The following KCTD20 variants were observed in gnomAD, a reference collection of about 807,000 sequenced individuals.
KCTD20 encodes the protein BTB/POZ domain-containing protein KCTD20.
Under a neutral mutation model 39.6 loss-of-function variants are expected in KCTD20, and 30 were observed. That is an observed-to-expected ratio of 0.76 (90% CI 0.57 to 1.03). KCTD20 has a LOEUF of 1.03. Among genes scored for constraint, KCTD20 ranks in the 50% least tolerant of loss-of-function variants. The pLI is 0.00. For synonymous variants in KCTD20, 162 were observed against 180.6 expected, an observed-to-expected ratio of 0.90 and a Z score of 0.83; for missense variants, 422 against 522.0, an observed-to-expected ratio of 0.81 and a Z score of 1.87.
intron 2 of KCTD20, among the ~76,000 whole-genome samples, chr6:36,471,844 C>T (rs1302491138): frequency 6.7e-6 from 1 of 150,330 alleles, no homozygotes; most frequent in East Asian, 1.9e-4. Context: ...ATTCTGGTAT[C>T]TATTTCTTTT....
chr6:36,449,367 C>A (rs1775163569), intron 1 of KCTD20, among the ~76,000 whole-genome samples: 1 of 151,228 alleles, frequency 6.6e-6, no homozygotes, highest in Non-Finnish European at 1.5e-5. Flanking sequence ...ATTTACAAAC[C>A]TTTAGCTAGA....
At chr6:36,479,292 C>A in intron 4 of KCTD20, 69 bp downstream of exon 4, 1 of 1,101,262 alleles carries the variant, frequency 9.1e-7, no homozygotes, top group Non-Finnish European at 1.3e-6. Context: ...CTTGAGAGTT[C>A]CATCAACTAT....
intron 1 of KCTD20, among the ~76,000 whole-genome samples, chr6:36,447,813 C>G (rs1341172512): frequency 2.0e-5 from 3 of 151,206 alleles, no homozygotes; most frequent in Non-Finnish European, 4.4e-5. Flanking sequence ...CAACATGGCA[C>G]GACTCTGTCT....
intron 1 of KCTD20, among the ~76,000 whole-genome samples, chr6:36,444,277 TGCCCAACA>T (rs1774969389): frequency 6.6e-6 from 1 of 152,198 alleles, no homozygotes; most frequent in East Asian, 1.9e-4. Context: ...TTTTAAAAAC[TGCCCAACA>T]GCCTTAACCC....
intron 6 of KCTD20, among the ~76,000 whole-genome samples, chr6:36,483,097 T>TA (rs1465256505): frequency 7.1e-6 from 1 of 140,236 alleles, no homozygotes; most frequent in Non-Finnish European, 1.5e-5. Flanking sequence ...ACAGCCTGGG[T>TA]AACAGAGCGA....
At position 36,474,879 on chromosome 6, in the gene KCTD20, A is replaced by G; in HGVS notation, c.251A>G (p.Gln84Arg). 6.2e-7 allele frequency: 1 copy of G among 1,614,180 alleles called. No homozygotes were observed. The highest frequency in any genetic ancestry group is 2.2e-5 in the East Asian group (1 of 44,878). Residue 84 changes from glutamine (Q) to arginine (R), a missense_variant, in exon 3 of 8, where the codon CAA becomes CGA. By Grantham distance (43) the Gln-to-Arg change is conservative. Coordinates refer to ENST00000373731, the MANE Select transcript of KCTD20 (RefSeq NM_173562.5). The part of the protein sequence containing the change: ...LAEDIKGSCF[Q>R]SGNKRNHEPF... ...GAAGACATCAAAGGTTCTTGCTTCCAAAGTGGGAATAAACGGAACCATGAA... is the reference window on the plus strand; with the variant it reads ...GAAGACATCAAAGGTTCTTGCTTCCGAAGTGGGAATAAACGGAACCATGAA...
intron 1 of KCTD20, among the ~76,000 whole-genome samples, chr6:36,460,194 A>T (rs1775558410): frequency 6.6e-6 from 1 of 152,324 alleles, no homozygotes; most frequent in Admixed American, 6.5e-5. Context: ...TTTCATTAGA[A>T]TGACCTTAAC....
intron 5 of KCTD20, among the ~76,000 whole-genome samples, chr6:36,480,208 G>A (rs183137860): frequency 6.6e-6 from 1 of 152,242 alleles, no homozygotes; most frequent in Non-Finnish European, 1.5e-5. Flanking sequence ...AGCACTGTGA[G>A]GAACTGGAGT....
chr6:36,449,705 G>T (rs1485706017), intron 1 of KCTD20, among the ~76,000 whole-genome samples: 2 of 152,032 alleles, frequency 1.3e-5, no homozygotes, highest in Non-Finnish European at 2.9e-5. Flanking sequence ...TGTTCTACTC[G>T]CCCCATTTTG....
At chr6:36,459,575 A>C (rs1459128764) in intron 1 of KCTD20, among the ~76,000 whole-genome samples, 2 of 152,262 alleles carry the variant, frequency 1.3e-5, no homozygotes. Context: ...ACAAGACTGC[A>C]TGAAAACTTT....
chr6:36,481,294 C>T (rs903645679), intron 5 of KCTD20, among the ~76,000 whole-genome samples: 2 of 151,770 alleles, frequency 1.3e-5, no homozygotes, highest in African/African-American at 4.9e-5. Context: ...ATAGGATTAA[C>T]ATGGTCTGAC....
At chr6:36,474,055 A>G (rs1205380389) in intron 2 of KCTD20, among the ~76,000 whole-genome samples, 2 of 152,188 alleles carry the variant, frequency 1.3e-5, no homozygotes, top group Admixed American at 6.5e-5. Flanking sequence ...TGAAAAATAA[A>G]ATTTTGTTTT....
Position 36,487,061 on chromosome 6 carries a change from AGAT to A in KCTD20, c.1151_1153del (p.Asp384del), listed in dbSNP as rs1223696486. Reference sequence around the variant, plus strand: ...CCCTCACGAATCTGGTAGCTGCTGGAGATGATGTCTTGGAGGACCAGGAGATAT... The same window carrying A: ...CCCTCACGAATCTGGTAGCTGCTGGAGATGTCTTGGAGGACCAGGAGATAT... On this transcript the variant is annotated inframe_deletion, in exon 8 of 8. Transcript: ENST00000373731. 3 of 1,614,238 alleles carry A rather than the reference AGAT, an allele frequency of 1.9e-6. No individual in the cohort carries two copies. In the Admixed American group the frequency reaches 5.0e-5, roughly 27 times the overall value.
chr6:36,450,027 G>A (rs966186057), intron 1 of KCTD20, among the ~76,000 whole-genome samples: 9 of 152,020 alleles, frequency 5.9e-5, no homozygotes, highest in Non-Finnish European at 1.0e-4. Flanking sequence ...AGCTGGGCGT[G>A]GTTGCAGGCG....
chr6:36,449,560 C>T (rs1027006724), intron 1 of KCTD20, among the ~76,000 whole-genome samples: 1 of 152,204 alleles, frequency 6.6e-6, no homozygotes, highest in Non-Finnish European at 1.5e-5. Context: ...CGTTTACAAT[C>T]CTTTAGCTAG....
At chr6:36,474,408 C>T (rs2127447929) in intron 2 of KCTD20, among the ~76,000 whole-genome samples, 2 of 152,212 alleles carry the variant, frequency 1.3e-5, no homozygotes, top group East Asian at 3.9e-4. Context: ...AAGTGATTGC[C>T]TCTGAACCAA....
chr6:36,457,831 G>C (rs776057155), intron 1 of KCTD20, among the ~76,000 whole-genome samples: 1 of 152,178 alleles, frequency 6.6e-6, no homozygotes, highest in Non-Finnish European at 1.5e-5. Flanking sequence ...TCCGGGGGTA[G>C]GATTAAACTA....
chr6:36,479,033 T>C, intron 3 of KCTD20, 88 bp from the exon 4 acceptor site: 1 of 845,400 alleles, frequency 1.2e-6, no homozygotes, highest in Non-Finnish European at 2.0e-6. Context: ...TGGGATGGAG[T>C]CTTCCAGAAT....
rs749887834 is a variant in KCTD20 at position 36,481,578 on chromosome 6, A to G, written c.675A>G (p.Glu225=). The change falls in exon 6 of 8, where the codon GAA becomes GAG. Residue 225 remains glutamate (E), a synonymous_variant. Coordinates refer to ENST00000373731, the MANE Select transcript of KCTD20 (RefSeq NM_173562.5). Reference sequence around the variant, plus strand: ...TCTCTGCAGGTGCTTTACTCCATGAACTGTCTAATGACGGTGCTCATAAGC... The same window carrying G: ...TCTCTGCAGGTGCTTTACTCCATGAGCTGTCTAATGACGGTGCTCATAAGC... ...RCQDLSALLH[E]LSNDGAHKQF... is the part of the protein sequence containing the mutation. 1 of 1,614,102 alleles carries G rather than the reference A, an allele frequency of 6.2e-7. No homozygotes were observed. Among genetic ancestry groups the G allele is most frequent in the Non-Finnish European group, 8.5e-7 (1 of 1,179,948 alleles).
Sources: allele counts gnomAD v4.1 joint callset (sites outside exome capture counted in the v4.1 genomes callset), GRCh38; gene constraint gnomAD v4.1.1; transcripts MANE v1.5; gene names NCBI Gene and HGNC (gene_info 2026-07-23, HGNC 2026-07-21).